Variants in KCNK10 observed in about 807,000 individuals in gnomAD.
KCNK10 encodes potassium channel subfamily K member 10.
In KCNK10, 25 loss-of-function variants were observed where a neutral mutation model predicts 47.7. The ratio of observed to expected loss-of-function variants is 0.52; its 90% CI spans 0.38 to 0.73. The LOEUF (loss-of-function observed/expected upper bound fraction) is 0.73. Ranked by LOEUF, KCNK10 falls within the 30% of genes least tolerant of loss-of-function variation. The probability of loss-of-function intolerance (pLI) is 0.00; values close to 1 mark genes in which losing one functional copy is unlikely to be tolerated. For missense variants in KCNK10, 563 were observed against 714.5 expected (o/e 0.79, Z 2.42); for synonymous variants, 303 against 285.6 (o/e 1.06, Z -0.61).
intron 1 of KCNK10, among the ~76,000 whole-genome samples, chr14:88,292,311 C>T (rs1471304421): frequency 1.3e-5 from 2 of 152,142 alleles, no homozygotes; most frequent in Non-Finnish European, 2.9e-5. Flanking sequence ...CCAGGCCTGG[C>T]CTACAGGGAA....
intron 2 of KCNK10, among the ~76,000 whole-genome samples, chr14:88,257,907 G>A (rs181377692): frequency 6.6e-6 from 1 of 151,966 alleles, no homozygotes; most frequent in African/African-American, 2.4e-5. Context: ...TTTGTGGGAG[G>A]GGGGGTCTAT....
chr14:88,279,202 T>A (rs1887592745), intron 1 of KCNK10, among the ~76,000 whole-genome samples: 1 of 152,222 alleles, frequency 6.6e-6, no homozygotes, highest in Admixed American at 6.5e-5. Context: ...GGGCTCAGCA[T>A]CCTATGCTCT....
At chr14:88,281,830 TTGTG>T (rs10541411) in intron 1 of KCNK10, among the ~76,000 whole-genome samples, 1,580 of 148,176 alleles carry the variant, frequency 0.011, 26 homozygotes, top group African/African-American at 0.037. Flanking sequence ...CAAGATACAT[TTGTG>T]TGTGTGTGTG....
rs527262526 is a variant in KCNK10, at chr14:88,261,967, AC to A, written c.402+1234del. 2.0e-4 allele frequency among the ~76,000 whole-genome samples: 31 copies of A among 152,342 alleles called. No homozygotes were observed. The South Asian group carries it at 6.2e-3, about 31-fold the overall frequency. On this transcript the variant is annotated intron_variant, in intron 2 of 6. Coordinates refer to ENST00000319231, the MANE Select transcript of KCNK10 (RefSeq NM_138317.3). ...AAGAGTCAAGTCATTATTAAAACTAACTGACAAGAATATGATTGCTATGAAG... is the reference window on the plus strand; with the variant it reads ...AAGAGTCAAGTCATTATTAAAACTAATGACAAGAATATGATTGCTATGAAG...
At position 88,303,791 on chromosome 14, in the gene KCNK10, T is replaced by C. The variant is rs190766850; in HGVS notation, c.52+18956A>G. ...TGTTTCGACCAATTGCTTCTTTTTT[T>C]TATCAATGATGTATGAGGTGTTCAA... On this transcript the variant is annotated intron_variant, in intron 1 of 6. Coordinates refer to ENST00000319231, the MANE Select transcript of KCNK10 (RefSeq NM_138317.3). Among the ~76,000 whole-genome samples, 191 of 152,282 alleles carry C rather than the reference T, an allele frequency of 1.3e-3. 1 individual carries two copies. The highest frequency in any genetic ancestry group is 3.4e-3 in the Middle Eastern group (1 of 294).
rs538655991 is a variant in KCNK10, at chr14:88,235,688, G to A, written c.520+5015C>T. On this transcript the variant is annotated intron_variant, in intron 3 of 6. Transcript: ENST00000319231. The stretch of plus-strand genomic sequence containing the variant: ...AATAAAATTAACAAAATGAAAACTA[G>A]ATTTTAAGAGTTAAAAAGTAGAAGA... 6.5e-3 allele frequency among the ~76,000 whole-genome samples: 996 copies of A among 152,132 alleles called. 10 individuals carry two copies. Among genetic ancestry groups the A allele is most frequent in the African/African-American group, 0.023 (954 of 41,512 alleles).
chr14:88,252,470 C>A (rs1886829029), intron 2 of KCNK10, among the ~76,000 whole-genome samples: 1 of 152,142 alleles, frequency 6.6e-6, no homozygotes. Flanking sequence ...AAGGGCAGAG[C>A]CACAGCCTTG....
At chr14:88,253,094 A>G (rs1346225182) in intron 2 of KCNK10, among the ~76,000 whole-genome samples, 1 of 152,198 alleles carries the variant, frequency 6.6e-6, no homozygotes, top group Non-Finnish European at 1.5e-5. Context: ...AAAATGGGGC[A>G]GCAACAGTGG....
intron 1 of KCNK10, among the ~76,000 whole-genome samples, chr14:88,298,402 C>T (rs933958601): frequency 3.9e-5 from 6 of 152,164 alleles, no homozygotes; most frequent in Non-Finnish European, 2.9e-5. Flanking sequence ...AAAACGCCTT[C>T]CCCTCCTCAT....
chr14:88,266,190 A>G (rs1241594731), intron 1 of KCNK10, among the ~76,000 whole-genome samples: 1 of 152,244 alleles, frequency 6.6e-6, no homozygotes, highest in Non-Finnish European at 1.5e-5. Flanking sequence ...AAGTGAATAA[A>G]GGGTGGAAGG....
chr14:88,255,871 A>AT (rs1050573663), intron 2 of KCNK10, among the ~76,000 whole-genome samples: 17 of 151,984 alleles, frequency 1.1e-4, no homozygotes, highest in African/African-American at 3.6e-4. Flanking sequence ...AAAAAAAGGA[A>AT]TAAAAAAAAG....
At chr14:88,198,413 C>G (rs1884991341) in intron 4 of KCNK10, among the ~76,000 whole-genome samples, 1 of 152,164 alleles carries the variant, frequency 6.6e-6, no homozygotes, top group South Asian at 2.1e-4. Context: ...TAAATTTATC[C>G]TACTCAAATT....
At chr14:88,310,124 T>A (rs1888281599) in intron 1 of KCNK10, among the ~76,000 whole-genome samples, 1 of 54,750 alleles carries the variant, frequency 1.8e-5, no homozygotes. Context: ...ACAAGATGTG[T>A]TCTGGAGCTG....
intron 4 of KCNK10, 36 bp downstream of exon 4, chr14:88,227,339 A>T (rs3825677): frequency 6.5e-7 from 1 of 1,542,406 alleles, no homozygotes; most frequent in South Asian, 1.3e-5. Flanking sequence ...CAACTGGATC[A>T]CAGTGGTTAG....
chr14:88,311,474 C>T (rs1888328644), intron 1 of KCNK10, among the ~76,000 whole-genome samples: 1 of 152,140 alleles, frequency 6.6e-6, no homozygotes, highest in Admixed American at 6.5e-5. Flanking sequence ...AAACAAGAGA[C>T]CACGGCTCTC....
intron 1 of KCNK10, among the ~76,000 whole-genome samples, chr14:88,269,601 T>C (rs1039068880): frequency 3.3e-5 from 5 of 152,068 alleles, no homozygotes; most frequent in African/African-American, 1.2e-4. Context: ...CATGCCCAAC[T>C]AATTTTTTAA....
chr14:88,233,402 C>T (rs1333989291), intron 3 of KCNK10, among the ~76,000 whole-genome samples: 1 of 152,214 alleles, frequency 6.6e-6, no homozygotes, highest in African/African-American at 2.4e-5. Context: ...AAAGCTCCGG[C>T]AAAAGCCCCT....
intron 4 of KCNK10, among the ~76,000 whole-genome samples, chr14:88,221,056 C>T (rs1885792497): frequency 6.6e-6 from 1 of 151,786 alleles, no homozygotes; most frequent in Non-Finnish European, 1.5e-5. Flanking sequence ...AATCCCAGCA[C>T]TCTGGGAGAC....
At chr14:88,285,610 G>A (rs910907478) in intron 1 of KCNK10, among the ~76,000 whole-genome samples, 2 of 152,136 alleles carry the variant, frequency 1.3e-5, no homozygotes, top group African/African-American at 2.4e-5. Flanking sequence ...TTAAATGAAC[G>A]AAAGCTTAGC....
Sources: gnomAD v4.1 joint callset for allele counts (sites outside exome capture counted in the v4.1 genomes callset) on GRCh38, gnomAD v4.1.1 for gene constraint, MANE v1.5 for transcripts, NCBI Gene and HGNC (gene_info 2026-07-23, HGNC 2026-07-21) for gene names.